Variants in ABCC1 observed in about 807,000 individuals in gnomAD.
ABCC1 encodes ATP binding cassette subfamily C member 1 (ABCC1 blood group).
ABCC1 carries 83 observed loss-of-function variants against 172.9 expected under a neutral mutation model. The ratio of observed to expected loss-of-function variants is 0.48; its 90% CI spans 0.40 to 0.58. The LOEUF is 0.58. Among genes scored for constraint, ABCC1 ranks in the 20% least tolerant of loss-of-function variants. The pLI is 0.00. For missense variants in ABCC1, 1,817 were observed against 2,002.7 expected, an observed-to-expected ratio of 0.91 and a Z score of 1.77; for synonymous variants, 937 against 825.2, an observed-to-expected ratio of 1.14 and a Z score of -2.32.
At chr16:16,097,462 G>A (rs1382024233) in intron 19 of ABCC1, among the ~76,000 whole-genome samples, 1 of 152,216 alleles carries the variant, frequency 6.6e-6, no homozygotes, top group African/African-American at 2.4e-5. Context: ...TAAGAAAAGA[G>A]CCTGACACAT....
intron 30 of ABCC1, among the ~76,000 whole-genome samples, chr16:16,140,745 C>T (rs894500565): frequency 6.6e-5 from 10 of 152,224 alleles, no homozygotes; most frequent in Admixed American, 2.0e-4. Flanking sequence ...TCTCTGGCAG[C>T]TTTCACACTA....
intron 12 of ABCC1, among the ~76,000 whole-genome samples, chr16:16,059,399 C>T (rs368504748): frequency 3.9e-5 from 6 of 152,248 alleles, no homozygotes; most frequent in South Asian, 4.1e-4. Flanking sequence ...ATATGGAAAT[C>T]GATGGGTGTG....
At chr16:15,970,899 A>G (rs767298109) in intron 1 of ABCC1, among the ~76,000 whole-genome samples, 4 of 152,156 alleles carry the variant, frequency 2.6e-5, no homozygotes, top group Non-Finnish European at 5.9e-5. Flanking sequence ...CTGGCCTTCA[A>G]CTCAGTCCCT....
chr16:16,086,265 G>C (rs1378201080), intron 17 of ABCC1, among the ~76,000 whole-genome samples: 4 of 152,230 alleles, frequency 2.6e-5, no homozygotes, highest in Non-Finnish European at 1.5e-5. Flanking sequence ...CTTTTGCCCA[G>C]TTGACAGGTG....
chr16:16,014,041 C>G (rs1256992409), intron 3 of ABCC1, among the ~76,000 whole-genome samples: 1 of 152,170 alleles, frequency 6.6e-6, no homozygotes, highest in Non-Finnish European at 1.5e-5. Context: ...AAGGCATGTC[C>G]ATTCATTAAC....
At chr16:15,989,843 T>C (rs933930520) in intron 1 of ABCC1, among the ~76,000 whole-genome samples, 12 of 152,150 alleles carry the variant, frequency 7.9e-5, no homozygotes, top group South Asian at 4.1e-4. Flanking sequence ...GTGCCTGGTA[T>C]GCAGTCCGTG....
chr16:16,104,816 G>A (rs547091056), intron 20 of ABCC1, among the ~76,000 whole-genome samples: 6 of 152,276 alleles, frequency 3.9e-5, no homozygotes, highest in African/African-American at 9.6e-5. Context: ...GCCCTGCCCC[G>A]CGGGGAGGCA....
chr16:15,949,702 C>G lies in ABCC1; in HGVS notation c.-50C>G. On this transcript the variant is annotated 5_prime_UTR_variant, in exon 1 of 31. Transcript: ENST00000399410. ...GCCCGCCGCCGCCCGCGCCAGCAAC[C>G]GGGCCCGATCACCCGCCGCCCGGTG... 4 of 1,072,168 alleles carry G rather than the reference C, an allele frequency of 3.7e-6. No homozygotes were observed. The highest frequency in any genetic ancestry group is 7.3e-5 in the South Asian group (2 of 27,380). The allele number at this position is 1,072,168 out of a possible 1,614,324, so 66.4% of individuals were successfully genotyped here. A position where few individuals can be genotyped will look rare whatever the true frequency, so the allele number is the denominator to read the frequency against.
intron 30 of ABCC1, 123 bp from the exon 31 acceptor site, chr16:16,141,050 C>G: frequency 1.3e-6 from 1 of 745,700 alleles, no homozygotes; most frequent in Admixed American, 2.1e-5. Flanking sequence ...GGTACTGCAC[C>G]AGTCCTAGCA....
chr16:15,988,643 C>T (rs560490994), intron 1 of ABCC1, among the ~76,000 whole-genome samples: 5 of 152,256 alleles, frequency 3.3e-5, no homozygotes, highest in African/African-American at 4.8e-5. Context: ...GGGCCTTCCA[C>T]GAGAGGCCTC....
intron 16 of ABCC1, among the ~76,000 whole-genome samples, chr16:16,082,954 G>T (rs981799018): frequency 2.0e-5 from 3 of 152,144 alleles, no homozygotes; most frequent in Non-Finnish European, 2.9e-5. Flanking sequence ...AGTCAAGTTA[G>T]ACTCTTAAAA....
intron 17 of ABCC1, among the ~76,000 whole-genome samples, chr16:16,083,835 C>T (rs1339114447): frequency 6.6e-6 from 1 of 152,156 alleles, no homozygotes; most frequent in Non-Finnish European, 1.5e-5. Flanking sequence ...CCCCAGAAAG[C>T]ATGCAATGTC....
At chr16:16,125,752 A>G in intron 25 of ABCC1, 58 bp from the exon 26 acceptor site, 3 of 1,260,272 alleles carry the variant, frequency 2.4e-6, no homozygotes, top group South Asian at 1.3e-5. Flanking sequence ...AAAAAGAAAA[A>G]GGAAAGTCAA....
At chr16:15,981,311 C>G (rs767349387) in intron 1 of ABCC1, among the ~76,000 whole-genome samples, 1 of 152,222 alleles carries the variant, frequency 6.6e-6, no homozygotes. Flanking sequence ...TGTATGGGGC[C>G]TCTGGCCCCA....
intron 19 of ABCC1, chr16:16,094,468 G>A (rs749642647): frequency 5.8e-6 from 1 of 171,078 alleles, no homozygotes; most frequent in Non-Finnish European, 1.3e-5. Flanking sequence ...GTGGCCTTTT[G>A]TACGTGCATA....
chr16:15,999,769 T>TTCTCTCTCTCTCTCTCTCTGTC (rs2047187203), intron 1 of ABCC1, among the ~76,000 whole-genome samples: 2 of 25,358 alleles, frequency 7.9e-5, no homozygotes, highest in African/African-American at 1.1e-4. Context: ...CCCGGCCTCT[T>TTCTCTCTCTCTCTCTCTCTGTC]TCTCTCTCTC....
At position 16,141,220 on chromosome 16, in the gene ABCC1, C is replaced by G. The variant is rs369410659; in HGVS notation, c.4535C>G (p.Ser1512Trp). ...KGEIQEYGAP[S>W]DLLQQRGLFY... ...GAAATCCAGGAGTACGGCGCCCCAT[C>G]GGACCTCCTGCAGCAGAGAGGTCTT... The change falls in exon 31 of 31, where the codon TCG becomes TGG. Residue 1512 changes from serine (S) to tryptophan (W), a missense_variant. This residue lies in a region of ABCC1 where 1,412 missense variants were observed against 1,600.3 expected (regional missense o/e 0.88). Coordinates refer to ENST00000399410, the MANE Select transcript of ABCC1 (RefSeq NM_004996.4). 6.2e-7 allele frequency: 1 copy of G among 1,613,944 alleles called. No homozygotes were observed. The highest frequency in any genetic ancestry group is 8.5e-7 in the Non-Finnish European group (1 of 1,180,018).
chr16:16,001,194 C>T (rs1454539037), intron 1 of ABCC1, among the ~76,000 whole-genome samples: 3 of 151,960 alleles, frequency 2.0e-5, no homozygotes, highest in Non-Finnish European at 4.4e-5. Flanking sequence ...TGGATCACTG[C>T]AAGGGTTGGT....
rs143587280 is a variant in ABCC1 at position 16,004,747 on chromosome 16, C to T, written c.49-3069C>T. 5.4e-3 allele frequency among the ~76,000 whole-genome samples: 817 copies of T among 151,364 alleles called. 15 individuals carry two copies. The highest frequency in any genetic ancestry group is 0.019 in the African/African-American group (780 of 41,206). On this transcript the variant is annotated intron_variant, in intron 1 of 30. Coordinates refer to ENST00000399410, the MANE Select transcript of ABCC1 (RefSeq NM_004996.4). ...TCAGCTCACTGCAACCTTTGCCTCCCGGGTTCAGGTGATTCTCCTGCCTGA... is the reference window on the plus strand; with the variant it reads ...TCAGCTCACTGCAACCTTTGCCTCCTGGGTTCAGGTGATTCTCCTGCCTGA...
Sources: gnomAD v4.1 joint callset for allele counts (sites outside exome capture counted in the v4.1 genomes callset) on GRCh38, gnomAD v4.1.1 for gene constraint, gnomAD v4.1.1 regional missense constraint, MANE v1.5 for transcripts, NCBI Gene and HGNC (gene_info 2026-07-23, HGNC 2026-07-21) for gene names.